FGF11: variants seen among roughly 807,000 people sequenced by gnomAD.
The protein encoded by FGF11 is fibroblast growth factor homologous factor 3.
Under a neutral mutation model 25.1 loss-of-function variants are expected in FGF11, and 25 were observed. The ratio of observed to expected loss-of-function variants is 1.00; its 90% CI spans 0.73 to 1.39. The LOEUF (loss-of-function observed/expected upper bound fraction) is 1.39, where lower values mean the gene tolerates loss of function less well. Ranked by LOEUF, FGF11 falls within the 40% of genes most tolerant of loss-of-function variation. The probability of loss-of-function intolerance (pLI) is 0.00; values close to 1 mark genes in which losing one functional copy is unlikely to be tolerated. For missense variants in FGF11, 320 were observed against 311.0 expected (o/e 1.03, Z -0.22); for synonymous variants, 130 against 128.9 (o/e 1.01, Z -0.06).
At chr17:7,442,002 T>C in intron 3 of FGF11, 123 bp downstream of exon 3, 2 of 718,762 alleles carry the variant, frequency 2.8e-6, no homozygotes, top group South Asian at 3.9e-5. Context: ...CCCTCCAGCT[T>C]TGCTGATGGC....
In FGF11 at chr17:7,440,546, G is replaced by A. The variant is rs543845244; in HGVS notation, c.193+733G>A. 2.9e-4 allele frequency: 156 copies of A among 541,130 alleles called. 2 individuals carry two copies. The African/African-American group carries it at 3.1e-3, about 11-fold the overall frequency. 33.5% of individuals were successfully genotyped at this position (541,130 alleles called of 1,614,324 possible). A position where few individuals can be genotyped will look rare whatever the true frequency, so the allele number is the denominator to read the frequency against. On this transcript the variant is annotated intron_variant, in intron 1 of 4. Coordinates refer to ENST00000293829, the MANE Select transcript of FGF11 (RefSeq NM_004112.4). The surrounding 1 kb of genome is among the most constrained non-coding windows in gnomAD (Gnocchi z 5.4). ...GGGGGTCGTACCACCTACAAGGGGG[G>A]ACAGGGAAGTCGGCAGAGAGCAAGC...
rs780142908 is a variant in FGF11, at chr17:7,439,796, G to A, written c.176G>A (p.Arg59Gln). Residue 59 changes from arginine to glutamine, a missense_variant, in exon 1 of 5, where the codon CGG (arginine) becomes CAG (glutamine). Transcript: ENST00000293829. ...CGACTGTGCGGGGGGCGGCCCGCGC[G>A]GCCGGACCGCGGCCCGGGTGAGTGC... ...KVRLCGGRPA[R>Q]PDRGPEPQLK... 1 of 1,449,960 alleles carries A rather than the reference G, an allele frequency of 6.9e-7. No homozygotes were observed. The highest frequency in any genetic ancestry group is 1.5e-5 in the African/African-American group (1 of 66,918). The allele number at this position is 1,449,960 out of a possible 1,614,324, so 89.8% of individuals were successfully genotyped here.
chr17:7,441,773 C>A lies in FGF11; in HGVS notation c.305-3C>A. The A allele has an allele frequency of 6.3e-7, 1 of 1,597,372 alleles. No homozygotes were observed. On this transcript the variant is annotated splice_region_variant and splice_polypyrimidine_tract_variant and intron_variant, in intron 2 of 4. Coordinates refer to ENST00000293829, the MANE Select transcript of FGF11 (RefSeq NM_004112.4). Reference sequence around the variant, plus strand: ...TATTGATGCTCCCTCTCTCCACCTGCAGCCCACTTCAACCTGATCCCTGTG... The same window carrying A: ...TATTGATGCTCCCTCTCTCCACCTGAAGCCCACTTCAACCTGATCCCTGTG...
In FGF11 at chr17:7,439,592, G is replaced by A. The variant is rs1206986928; in HGVS notation, c.-29G>A. On this transcript the variant is annotated 5_prime_UTR_variant, in exon 1 of 5. Transcript: ENST00000293829. Reference sequence around the variant, plus strand: ...GCCCAGCGCGCTCCGGGCGCCTGCCGGTTTGGGGGTGTCTCCTCCCGGGGC... The same window carrying A: ...GCCCAGCGCGCTCCGGGCGCCTGCCAGTTTGGGGGTGTCTCCTCCCGGGGC... 15 of 1,389,088 alleles carry A rather than the reference G, an allele frequency of 1.1e-5. No homozygotes were observed. 86.0% of individuals were successfully genotyped at this position (1,389,088 alleles called of 1,614,324 possible).
chr17:7,439,612 C>G lies in FGF11; in HGVS notation c.-9C>G. 2 of 1,418,184 alleles carry G rather than the reference C, an allele frequency of 1.4e-6. No homozygotes were observed. The highest frequency in any genetic ancestry group is 1.5e-5 in the South Asian group (1 of 65,238). 87.9% of individuals were successfully genotyped at this position (1,418,184 alleles called of 1,614,324 possible). A position where few individuals can be genotyped will look rare whatever the true frequency, so the allele number is the denominator to read the frequency against. ...CTGCCGGTTTGGGGGTGTCTCCTCC[C>G]GGGGCGCTATGGCGGCGCTGGCCAG... is the stretch of plus-strand genomic sequence containing the variant. On this transcript the variant is annotated 5_prime_UTR_variant, in exon 1 of 5. Transcript: ENST00000293829.
At chr17:7,442,444 C>G in intron 3 of FGF11, 150 bp from the exon 4 acceptor site, 1 of 1,493,208 alleles carries the variant, frequency 6.7e-7, no homozygotes, top group Non-Finnish European at 8.9e-7. Flanking sequence ...TCCTTGTCCT[C>G]CCTTTGCTCC....
Position 7,442,679 on chromosome 17 carries a change from G to A in FGF11, c.494G>A (p.Arg165His), listed in dbSNP as rs542329042. The change falls in exon 4 of 5, where the codon CGT becomes CAT. Residue 165 changes from arginine (R) to histidine (H), a missense_variant. Transcript: ENST00000293829. ...TACGCCTCTGCTCTCTACCGCCAGC[G>A]TCGTTCTGGCCGGGCCTGGTACCTC... ...VLYASALYRQ[R>H]RSGRAWYLGL... 35 of 1,614,222 alleles carry A rather than the reference G, an allele frequency of 2.2e-5. No homozygotes were observed. In the East Asian group the frequency reaches 3.6e-4, roughly 16 times the overall value.
intron 1 of FGF11, chr17:7,441,188 T>TC (rs1908305747): frequency 1.7e-5 from 6 of 363,092 alleles, no homozygotes; most frequent in Middle Eastern, 9.1e-4. Flanking sequence ...CCCCACTCCT[T>TC]CCCCCTTCTG....
At chr17:7,441,036 C>T in intron 1 of FGF11, 1 of 840,806 alleles carries the variant, frequency 1.2e-6, no homozygotes, top group Non-Finnish European at 1.5e-6. Flanking sequence ...AGTCCCACCC[C>T]CACTCCTGAG....
Position 7,439,681 on chromosome 17 carries a change from A to G in FGF11, c.61A>G (p.Ser21Gly). Residue 21 changes from serine to glycine, a missense_variant, in exon 1 of 5, where the codon AGC (serine) becomes GGC (glycine). Transcript: ENST00000293829. ...QKREVREPGG[S>G]RPVSAQRRVC... is the part of the protein sequence containing the mutation. The stretch of plus-strand genomic sequence containing the variant: ...GCGGGAGGTCCGCGAGCCCGGGGGC[A>G]GCCGGCCGGTGTCGGCGCAGCGGCG... The G allele has an allele frequency of 6.5e-7, 1 of 1,543,164 alleles. No individual in the cohort carries two copies. The highest frequency in any genetic ancestry group is 1.2e-5 in the South Asian group (1 of 82,466).
chr17:7,439,868 T>C, intron 1 of FGF11, 55 bp downstream of exon 1: 4 of 1,343,684 alleles, frequency 3.0e-6, no homozygotes, highest in Non-Finnish European at 3.8e-6. Flanking sequence ...CCTGGGAGAT[T>C]GAGGCCAGGG....
Position 7,442,611 on chromosome 17 carries a change from G to C in FGF11, c.426G>C (p.Glu142Asp). 6.2e-7 allele frequency: 1 copy of C among 1,614,186 alleles called. No individual in the cohort carries two copies. The highest frequency in any genetic ancestry group is 8.5e-7 in the Non-Finnish European group (1 of 1,180,038). The change falls in exon 4 of 5, where the codon GAG becomes GAC. Residue 142 changes from glutamate (E) to aspartate (D), a missense_variant. Physicochemically the swap from Glu to Asp is conservative, Grantham distance 45. Coordinates refer to ENST00000293829, the MANE Select transcript of FGF11 (RefSeq NM_004112.4). The part of the protein sequence containing the change: ...LLYSSPHFTA[E>D]CRFKECVFEN... Reference sequence around the variant, plus strand: ...CTCCTTAGCCGCATTTCACAGCTGAGTGTCGCTTTAAGGAGTGTGTCTTTG... The same window carrying C: ...CTCCTTAGCCGCATTTCACAGCTGACTGTCGCTTTAAGGAGTGTGTCTTTG...
chr17:7,442,752 G>A lies in FGF11; in HGVS notation c.567G>A (p.Lys189=). ...GQVMKGNRVK[K]TKAAAHFLPK... is the part of the protein sequence containing the mutation. ...TCATGAAGGGAAACCGAGTTAAGAA[G>A]ACCAAGGCAGCTGCCCACTTTCTGC... Residue 189 remains lysine, a synonymous_variant, in exon 4 of 5, where the codon AAG becomes AAA. Transcript: ENST00000293829. 6.2e-7 allele frequency: 1 copy of A among 1,614,106 alleles called. No individual in the cohort carries two copies. The highest frequency in any genetic ancestry group is 8.5e-7 in the Non-Finnish European group (1 of 1,180,028).
In FGF11 at chr17:7,442,585, T is replaced by A; in HGVS notation, c.409-9T>A. The stretch of plus-strand genomic sequence containing the variant: ...CTTTGTGCGCCTTTCTGGGTCTTTG[T>A]CTCCTTAGCCGCATTTCACAGCTGA... On this transcript the variant is annotated splice_polypyrimidine_tract_variant and intron_variant, in intron 3 of 4. Transcript: ENST00000293829. The A allele has an allele frequency of 6.2e-7, 1 of 1,614,118 alleles. No homozygotes were observed. The highest frequency in any genetic ancestry group is 1.1e-5 in the South Asian group (1 of 91,032).
intron 2 of FGF11, 23 bp downstream of exon 2, chr17:7,441,604 G>C (rs1308343441): frequency 6.2e-7 from 1 of 1,613,986 alleles, no homozygotes; most frequent in Non-Finnish European, 8.5e-7. Context: ...GCTGGCTGCA[G>C]GGTGGGAAGG....
rs899223739 is a variant in FGF11 at position 7,443,363 on chromosome 17, G to A, written c.*217G>A. The A allele has an allele frequency of 5.5e-5, 28 of 505,750 alleles. No homozygotes were observed. The allele number at this position is 505,750 out of a possible 1,614,324, so 31.3% of individuals were successfully genotyped here. A position where few individuals can be genotyped will look rare whatever the true frequency, so the allele number is the denominator to read the frequency against. On this transcript the variant is annotated 3_prime_UTR_variant, in exon 5 of 5. Coordinates refer to ENST00000293829, the MANE Select transcript of FGF11 (RefSeq NM_004112.4). ...TTGGGCCTAGGAGGGAGTCAGAGAG[G>A]GGGATGTCTGAAGATGGTCCTGGCT...
chr17:7,441,879 G>C lies in FGF11; in HGVS notation c.408G>C (p.Ser136=), dbSNP rs780748645. The C allele has an allele frequency of 9.4e-6, 15 of 1,591,028 alleles. No homozygotes were observed. The highest frequency in any genetic ancestry group is 1.3e-5 in the Non-Finnish European group (15 of 1,170,226). The change falls in exon 3 of 5, where the codon TCG becomes TCC. Residue 136 remains serine (S), a splice_region_variant and synonymous_variant. Coordinates refer to ENST00000293829, the MANE Select transcript of FGF11 (RefSeq NM_004112.4). ...ATGCTGAGGGACTGCTCTACAGTTC[G>C]GTGAGACAATGAGGCTGAGTGGCCG... ...AMNAEGLLYS[S]PHFTAECRFK...
At position 7,439,764 on chromosome 17, in the gene FGF11, C is replaced by G. The variant is rs1441246172; in HGVS notation, c.144C>G (p.Ser48=). 1.3e-6 allele frequency: 2 copies of G among 1,546,798 alleles called. No homozygotes were observed. Among genetic ancestry groups the G allele is most frequent in the Non-Finnish European group, 1.7e-6 (2 of 1,152,540 alleles). ...AGAAGCAGCTCCTCATCCTGCTGTC[C>G]AAGGTGCGACTGTGCGGGGGGCGGC... is the stretch of plus-strand genomic sequence containing the variant. ...LCQKQLLILL[S]KVRLCGGRPA... Residue 48 remains serine, a synonymous_variant, in exon 1 of 5, where the codon TCC becomes TCG. Transcript: ENST00000293829.
intron 1 of FGF11, 159 bp from the exon 2 acceptor site, chr17:7,441,312 G>A (rs1249069013): frequency 3.2e-6 from 3 of 940,610 alleles, no homozygotes; most frequent in African/African-American, 3.3e-5. Flanking sequence ...AGGAGTGAAA[G>A]AGAGGTGGGA....
Sources: gnomAD v4.1 joint callset for allele counts on GRCh38, gnomAD v4.1.1 for gene constraint, Gnocchi (gnomAD v3.1) non-coding constraint, MANE v1.5 for transcripts, NCBI Gene and HGNC (gene_info 2026-07-23, HGNC 2026-07-21) for gene names.